The following GRID2 variants were observed in gnomAD, a reference collection of about 807,000 sequenced individuals.
GRID2 encodes glutamate ionotropic receptor delta type subunit 2.
Under a neutral mutation model 114.8 loss-of-function variants are expected in GRID2, and 33 were observed. The observed-to-expected ratio is 0.29, with a 90% CI of 0.22 to 0.38. The LOEUF is 0.38. Ranked by LOEUF, GRID2 falls within the 10% of genes least tolerant of loss-of-function variation. The pLI is 1.00. For missense variants in GRID2, 1,184 were observed against 1,257.7 expected (o/e 0.94, Z 0.89); for synonymous variants, 505 against 449.9 (o/e 1.12, Z -1.55).
At chr4:92,555,994 C>A (rs1479897827) in intron 1 of GRID2, among the ~76,000 whole-genome samples, 1 of 151,942 alleles carries the variant, frequency 6.6e-6, no homozygotes, top group Non-Finnish European at 1.5e-5. Flanking sequence ...AATTTATGTT[C>A]TTTGGCTTCT....
chr4:92,844,168 C>G (rs1162987002), intron 2 of GRID2, among the ~76,000 whole-genome samples: 1 of 151,984 alleles, frequency 6.6e-6, no homozygotes, highest in Middle Eastern at 3.2e-3. Context: ...CTTGAATTAA[C>G]AAGCTTAACT....
intron 2 of GRID2, among the ~76,000 whole-genome samples, chr4:93,079,911 A>G (rs1729701798): frequency 6.6e-6 from 1 of 152,146 alleles, no homozygotes. Context: ...AATCTTAACA[A>G]TTTTTAATTA....
At chr4:92,803,525 A>G (rs1318840522) in intron 2 of GRID2, among the ~76,000 whole-genome samples, 3 of 151,896 alleles carry the variant, frequency 2.0e-5, no homozygotes, top group African/African-American at 7.2e-5. Flanking sequence ...ATGTCATTAT[A>G]AAAAAATGTA....
intron 1 of GRID2, among the ~76,000 whole-genome samples, chr4:93,785,612 G>T (rs1443561907): frequency 1.3e-5 from 2 of 152,180 alleles, no homozygotes; most frequent in Non-Finnish European, 2.9e-5. Flanking sequence ...CCGTGATAAA[G>T]AATTTAATAC....
At chr4:93,036,150 G>C (rs1276458548) in intron 2 of GRID2, among the ~76,000 whole-genome samples, 1 of 151,578 alleles carries the variant, frequency 6.6e-6, no homozygotes, top group Non-Finnish European at 1.5e-5. Flanking sequence ...TTAGCCTTTG[G>C]GCCAAAAGGT....
At chr4:93,210,247 T>G (rs1743298598) in intron 5 of GRID2, among the ~76,000 whole-genome samples, 1 of 152,046 alleles carries the variant, frequency 6.6e-6, no homozygotes, top group Non-Finnish European at 1.5e-5. Context: ...ATCCATCTTG[T>G]GTTAATTTTT....
intron 2 of GRID2, among the ~76,000 whole-genome samples, chr4:92,676,160 C>T (rs1560526289): frequency 1.4e-5 from 1 of 71,996 alleles, no homozygotes; most frequent in African/African-American, 5.0e-5. Flanking sequence ...TGTCAAGCCC[C>T]CCCCCCCCCC....
At chr4:92,780,797 A>G (rs560312593) in intron 2 of GRID2, among the ~76,000 whole-genome samples, 1 of 151,516 alleles carries the variant, frequency 6.6e-6, no homozygotes, top group African/African-American at 2.4e-5. Context: ...AAAAAGCTAA[A>G]GGGATTAAAA....
intron 2 of GRID2, among the ~76,000 whole-genome samples, chr4:92,634,352 T>G (rs1463076071): frequency 6.6e-6 from 1 of 152,152 alleles, no homozygotes; most frequent in Non-Finnish European, 1.5e-5. Flanking sequence ...TGTAACTGTA[T>G]TGTTCCTAGG....
chr4:92,752,189 T>C (rs1215414692), intron 2 of GRID2, among the ~76,000 whole-genome samples: 1 of 152,204 alleles, frequency 6.6e-6, no homozygotes, highest in East Asian at 1.9e-4. Context: ...CTGGAGTGGA[T>C]TCATGAAACT....
chr4:92,325,601 A>G (rs1161103788), intron 1 of GRID2, among the ~76,000 whole-genome samples: 1 of 151,828 alleles, frequency 6.6e-6, no homozygotes. Context: ...TTCAAACTCA[A>G]ACAAAGAGAT....
intron 8 of GRID2, among the ~76,000 whole-genome samples, chr4:93,297,772 C>G (rs1201381022): frequency 6.6e-6 from 1 of 152,150 alleles, no homozygotes; most frequent in Non-Finnish European, 1.5e-5. Context: ...GATAGTACAA[C>G]TTGTCTTTTT....
chr4:93,313,513 G>T (rs1756247982), intron 8 of GRID2, among the ~76,000 whole-genome samples: 1 of 152,156 alleles, frequency 6.6e-6, no homozygotes, highest in Non-Finnish European at 1.5e-5. Context: ...GTTAACAACA[G>T]CTCTAAGTCT....
intron 2 of GRID2, among the ~76,000 whole-genome samples, chr4:92,598,568 T>G (rs774477604): frequency 2.6e-5 from 4 of 152,154 alleles, no homozygotes; most frequent in Non-Finnish European, 4.4e-5. Flanking sequence ...CCCATGGAAT[T>G]AGATACCTGC....
intron 14 of GRID2, among the ~76,000 whole-genome samples, chr4:93,732,582 T>C (rs1730576994): frequency 2.0e-5 from 3 of 151,992 alleles, no homozygotes; most frequent in Non-Finnish European, 2.9e-5. Flanking sequence ...TATTGTTGAA[T>C]TTTTTTTAAT....
chr4:92,949,122 G>A (rs542816117), intron 2 of GRID2, among the ~76,000 whole-genome samples: 5 of 151,200 alleles, frequency 3.3e-5, no homozygotes, highest in Non-Finnish European at 5.9e-5. Context: ...TATACAATTA[G>A]ACAAAGAAAA....
chr4:93,086,737 C>T (rs1436164395), intron 3 of GRID2, among the ~76,000 whole-genome samples: 1 of 152,114 alleles, frequency 6.6e-6, no homozygotes, highest in Non-Finnish European at 1.5e-5. Context: ...ATAATTGGCT[C>T]ATCAGTTAAA....
intron 2 of GRID2, among the ~76,000 whole-genome samples, chr4:92,700,723 T>C (rs1415802317): frequency 6.6e-6 from 1 of 152,148 alleles, no homozygotes; most frequent in African/African-American, 2.4e-5. Context: ...CTGGGCGCGG[T>C]GGCTCACGCC....
intron 1 of GRID2, among the ~76,000 whole-genome samples, chr4:92,441,615 T>C (rs1201606096): frequency 6.6e-6 from 1 of 151,814 alleles, no homozygotes; most frequent in African/African-American, 2.4e-5. Context: ...AATGGGGGAA[T>C]TGTAAGGAGA....
Sources: gnomAD v4.1 joint callset for allele counts (sites outside exome capture counted in the v4.1 genomes callset) on GRCh38, gnomAD v4.1.1 for gene constraint, MANE v1.5 for transcripts, NCBI Gene and HGNC (gene_info 2026-07-23, HGNC 2026-07-21) for gene names.